Variants in FBXO38 observed in about 807,000 individuals in gnomAD.
The protein encoded by FBXO38 is F-box only protein 38.
Under a neutral mutation model 131.9 loss-of-function variants are expected in FBXO38, and 53 were observed. The observed-to-expected ratio is 0.40, with a 90% CI of 0.32 to 0.51. The LOEUF is 0.51. Ranked by LOEUF, FBXO38 falls within the 20% of genes least tolerant of loss-of-function variation. The pLI is 0.53. For synonymous variants in FBXO38, 452 were observed against 505.6 expected, an observed-to-expected ratio of 0.89 and a Z score of 1.42; for missense variants, 1,076 against 1,475.6, an observed-to-expected ratio of 0.73 and a Z score of 4.44.
intron 15 of FBXO38, among the ~76,000 whole-genome samples, chr5:148,431,543 A>G (rs1418873362): frequency 6.6e-6 from 1 of 152,224 alleles, no homozygotes; most frequent in Admixed American, 6.5e-5. Context: ...AAAGTATTTT[A>G]CTGAGAGATC....
At chr5:148,384,484 TC>T (rs1265123218) in intron 1 of FBXO38, among the ~76,000 whole-genome samples, 1 of 152,114 alleles carries the variant, frequency 6.6e-6, no homozygotes, top group African/African-American at 2.4e-5. Context: ...AGTGAACACA[TC>T]TTTGGCTGCC....
Position 148,427,581 on chromosome 5 carries a change from A to G in FBXO38, c.2287A>G (p.Met763Val), listed in dbSNP as rs746619833. Residue 763 changes from methionine (M) to valine (V), a missense_variant, in exon 15 of 22, where the codon ATG becomes GTG. Physicochemically the swap from Met to Val is conservative, Grantham distance 21 (BLOSUM62 1). Transcript: ENST00000340253. ...SPGGSEDSEA[M>V]EEGDAESSVC... ...CGGTGGGTCAGAGGACTCTGAGGCC[A>G]TGGAGGAGGGAGATGCAGAGAGTTC... 5.0e-6 allele frequency: 8 copies of G among 1,614,168 alleles called. No homozygotes were observed. The highest frequency in any genetic ancestry group is 2.2e-5 in the South Asian group (2 of 91,082).
chr5:148,408,633 A>G (rs1170261651), intron 7 of FBXO38, among the ~76,000 whole-genome samples: 2 of 152,206 alleles, frequency 1.3e-5, no homozygotes, highest in Non-Finnish European at 2.9e-5. Flanking sequence ...AAACTTTGTG[A>G]TTTTATTTAT....
At position 148,427,070 on chromosome 5, in the gene FBXO38, G is replaced by A. The variant is rs768961147; in HGVS notation, c.1919-143G>A. 105 of 955,744 alleles carry A rather than the reference G, an allele frequency of 1.1e-4. 1 individual carries two copies. Among genetic ancestry groups the A allele is most frequent in the Middle Eastern group, 6.7e-4 (2 of 2,984 alleles). 59.2% of individuals were successfully genotyped at this position (955,744 alleles called of 1,614,324 possible). On this transcript the variant is annotated intron_variant, in intron 14 of 21. Transcript: ENST00000340253. ...CCATAGAGAATTTTATAGCAGCTCA[G>A]TGATGTGATCACAGTTATACTTTAG...
chr5:148,397,266 A>G (rs1300662679), intron 2 of FBXO38, among the ~76,000 whole-genome samples: 1 of 152,132 alleles, frequency 6.6e-6, no homozygotes, highest in African/African-American at 2.4e-5. Context: ...GTTATATTTG[A>G]TCTGTCTTCT....
rs1754720034 is a variant in FBXO38 at position 148,442,121 on chromosome 5, G to A, written c.3541G>A (p.Glu1181Lys). 6.2e-7 allele frequency: 1 copy of A among 1,613,992 alleles called. No homozygotes were observed. Among genetic ancestry groups the A allele is most frequent in the Non-Finnish European group, 8.5e-7 (1 of 1,179,926 alleles). The change falls in exon 22 of 22, where the codon GAG becomes AAG. Residue 1181 changes from glutamate (E) to lysine (K), a missense_variant. By Grantham distance (56) the Glu-to-Lys change is moderately conservative. Coordinates refer to ENST00000340253, the MANE Select transcript of FBXO38 (RefSeq NM_205836.3). ...IFIHYCDVNGEPVEDDYI is the reference protein window; with the variant it reads ...IFIHYCDVNGKPVEDDYI ...TATCCACTATTGTGATGTCAATGGA[G>A]AGCCAGTTGAAGATGACTACATTTA...
intron 2 of FBXO38, among the ~76,000 whole-genome samples, chr5:148,396,269 G>C (rs1338955970): frequency 2.0e-5 from 3 of 152,090 alleles, no homozygotes; most frequent in Admixed American, 6.6e-5. Flanking sequence ...TTCAGAAAAA[G>C]AGTCTTGCAA....
chr5:148,415,081 T>C (rs956066179), intron 10 of FBXO38, among the ~76,000 whole-genome samples: 1 of 151,718 alleles, frequency 6.6e-6, no homozygotes, highest in Admixed American at 6.6e-5. Context: ...CTCGTTAATA[T>C]AGTCATGTCT....
chr5:148,396,305 A>C (rs1015086999), intron 2 of FBXO38, among the ~76,000 whole-genome samples: 7 of 152,182 alleles, frequency 4.6e-5, no homozygotes, highest in Admixed American at 2.0e-4. Context: ...TTACATTCTA[A>C]AATGTTTTGG....
intron 17 of FBXO38, among the ~76,000 whole-genome samples, chr5:148,437,738 T>C (rs1057023652): frequency 2.6e-5 from 4 of 152,222 alleles, no homozygotes; most frequent in African/African-American, 9.6e-5. Context: ...TCATGTTTTA[T>C]ATGTCAAACA....
intron 2 of FBXO38, among the ~76,000 whole-genome samples, chr5:148,396,253 A>G (rs997277836): frequency 1.3e-5 from 2 of 152,198 alleles, no homozygotes; most frequent in Non-Finnish European, 2.9e-5. Context: ...AGAATAGCCA[A>G]AAATTTTCAG....
intron 1 of FBXO38, 118 bp downstream of exon 1, chr5:148,384,157 G>C (rs1042341263): frequency 6.6e-6 from 1 of 152,530 alleles, no homozygotes; most frequent in Non-Finnish European, 1.5e-5. Flanking sequence ...GCTTAAGCTC[G>C]GCCTCTGGCC....
intron 9 of FBXO38, 33 bp from the exon 10 acceptor site, chr5:148,414,103 C>CTTT: frequency 2.4e-6 from 3 of 1,225,336 alleles, no homozygotes; most frequent in South Asian, 1.5e-5. Flanking sequence ...AAGAATTTGA[C>CTTT]TTTTTTTTTT....
At chr5:148,419,295 C>T (rs1035070295) in intron 12 of FBXO38, among the ~76,000 whole-genome samples, 6 of 152,090 alleles carry the variant, frequency 3.9e-5, no homozygotes, top group Non-Finnish European at 8.8e-5. Flanking sequence ...ACAGGTCACT[C>T]CCACATGGTA....
At chr5:148,390,735 C>G (rs1016860696) in intron 1 of FBXO38, among the ~76,000 whole-genome samples, 13 of 151,940 alleles carry the variant, frequency 8.6e-5, no homozygotes, top group African/African-American at 3.1e-4. Flanking sequence ...ATTTAAGGTG[C>G]AGGGTATTTA....
chr5:148,429,132 A>G (rs1186858923), intron 15 of FBXO38, among the ~76,000 whole-genome samples: 4 of 152,156 alleles, frequency 2.6e-5, no homozygotes, highest in African/African-American at 4.8e-5. Context: ...TCTGCCTCCT[A>G]TGACACCTTT....
intron 18 of FBXO38, 47 bp downstream of exon 18, chr5:148,438,545 T>C (rs1754484442): frequency 6.4e-7 from 1 of 1,558,536 alleles, no homozygotes. Flanking sequence ...TGTGGTGTTT[T>C]TCTTTTTCTT....
rs1186891815 is a variant in FBXO38 at position 148,406,325 on chromosome 5, T to C, written c.799T>C (p.Leu267=). 1 of 1,610,550 alleles carries C rather than the reference T, an allele frequency of 6.2e-7. No individual in the cohort carries two copies. ...AGCCTCTGCCCGAAACTTGGAACACTTAGAAATGGTTCGAGTTCCTTTCCT... is the reference window on the plus strand; with the variant it reads ...AGCCTCTGCCCGAAACTTGGAACACCTAGAAATGGTTCGAGTTCCTTTCCT... The part of the protein sequence containing the change: ...GLASARNLEH[L]EMVRVPFLGG... Residue 267 remains leucine (L), a synonymous_variant, in exon 7 of 22, where the codon TTA becomes CTA. Coordinates refer to ENST00000340253, the MANE Select transcript of FBXO38 (RefSeq NM_205836.3).
At chr5:148,387,188 T>C (rs1049887426) in intron 1 of FBXO38, among the ~76,000 whole-genome samples, 3 of 152,248 alleles carry the variant, frequency 2.0e-5, no homozygotes, top group African/African-American at 7.2e-5. Flanking sequence ...ACCCTGGTGC[T>C]GCCGTATCAA....
Sources: allele counts gnomAD v4.1 joint callset (sites outside exome capture counted in the v4.1 genomes callset), GRCh38; gene constraint gnomAD v4.1.1; transcripts MANE v1.5; gene names NCBI Gene and HGNC (gene_info 2026-07-23, HGNC 2026-07-21).